Variants in ABCA1 observed in about 807,000 individuals in gnomAD.
ABCA1 encodes phospholipid-transporting ATPase ABCA1.
A neutral mutation model predicts 262.5 loss-of-function variants in ABCA1; 133 were observed. The observed-to-expected ratio is 0.51, with a 90% confidence interval of 0.44 to 0.59. The LOEUF is 0.59. Among genes scored for constraint, ABCA1 ranks in the 20% least tolerant of loss-of-function variants. The pLI, the probability that ABCA1 is intolerant of heterozygous loss-of-function variation, is 0.00. For synonymous variants in ABCA1, 1,022 were observed against 1,043.5 expected (o/e 0.98, Z 0.40); for missense variants, 2,452 against 2,777.5 (o/e 0.88, Z 2.63).
intron 34 of ABCA1, 41 bp downstream of exon 34, chr9:104,802,013 C>T (rs1191958312): frequency 6.3e-7 from 1 of 1,578,602 alleles, no homozygotes; most frequent in Non-Finnish European, 8.7e-7. Flanking sequence ...CCAGCAGCTA[C>T]ATGCCCATTT....
chr9:104,915,552 A>G (rs917886053), intron 1 of ABCA1, among the ~76,000 whole-genome samples: 3 of 152,204 alleles, frequency 2.0e-5, no homozygotes, highest in East Asian at 3.8e-4. Context: ...CATGAACTCT[A>G]TTATATGAGG....
chr9:104,846,748 A>G (rs1030965594), intron 7 of ABCA1, among the ~76,000 whole-genome samples: 2 of 152,234 alleles, frequency 1.3e-5, no homozygotes, highest in African/African-American at 2.4e-5. Context: ...CCAGAGTCCC[A>G]GGACTCCCAC....
chr9:104,812,970 C>G (rs1221843330), intron 27 of ABCA1, among the ~76,000 whole-genome samples: 6 of 152,182 alleles, frequency 3.9e-5, no homozygotes, highest in African/African-American at 1.4e-4. Flanking sequence ...TGTCTTGAGA[C>G]AACTGAAAAG....
At chr9:104,818,443 TAGGAAA>T (rs1831975903) in intron 23 of ABCA1, among the ~76,000 whole-genome samples, 1 of 152,142 alleles carries the variant, frequency 6.6e-6, no homozygotes, top group Admixed American at 6.5e-5. Flanking sequence ...CTGTGCCTCA[TAGGAAA>T]AGGAAAACGG....
intron 36 of ABCA1, 71 bp from the exon 37 acceptor site, chr9:104,798,669 G>A (rs539229742): frequency 3.0e-6 from 4 of 1,354,162 alleles, no homozygotes; most frequent in Non-Finnish European, 4.1e-6. Flanking sequence ...TGAGGACATG[G>A]ACACACAGAC....
intron 1 of ABCA1, among the ~76,000 whole-genome samples, chr9:104,920,951 G>C (rs557592057): frequency 6.6e-6 from 1 of 152,316 alleles, no homozygotes; most frequent in African/African-American, 2.4e-5. Context: ...AGAGTGATCA[G>C]CAACTTGCCT....
chr9:104,885,258 A>G (rs938781351), intron 3 of ABCA1, among the ~76,000 whole-genome samples: 18 of 152,182 alleles, frequency 1.2e-4, no homozygotes, highest in African/African-American at 4.3e-4. Context: ...AATAAATAAA[A>G]TAAGATAAAG....
intron 7 of ABCA1, among the ~76,000 whole-genome samples, chr9:104,849,515 C>T (rs928360533): frequency 5.3e-5 from 8 of 152,154 alleles, no homozygotes; most frequent in Non-Finnish European, 1.2e-4. Flanking sequence ...AGATTAAGTG[C>T]TCAGCATTTA....
chr9:104,917,419 T>C (rs1017468906), intron 1 of ABCA1, among the ~76,000 whole-genome samples: 12 of 151,234 alleles, frequency 7.9e-5, no homozygotes, highest in Non-Finnish European at 1.8e-4. Context: ...ATATGGTTCT[T>C]TTCAGCACTT....
At chr9:104,872,151 A>G (rs1008307259) in intron 5 of ABCA1, among the ~76,000 whole-genome samples, 3 of 152,246 alleles carry the variant, frequency 2.0e-5, no homozygotes, top group African/African-American at 7.2e-5. Flanking sequence ...CACTATTAGC[A>G]TTATTTTCCA....
At position 104,853,099 on chromosome 9, in the gene ABCA1, G is replaced by A. The variant is rs959061488; in HGVS notation, c.720+5423C>T. 3.0e-4 allele frequency among the ~76,000 whole-genome samples: 45 copies of A among 152,114 alleles called. 1 individual carries two copies. Among genetic ancestry groups the A allele is most frequent in the African/African-American group, 9.7e-4 (40 of 41,414 alleles). On this transcript the variant is annotated intron_variant, in intron 7 of 49. Coordinates refer to ENST00000374736, the MANE Select transcript of ABCA1 (RefSeq NM_005502.4). ...CATTACTTGTCTTCTGGGAGCCTCG[G>A]GGCACCCTCACTTTCCCTTCTTTCC... is the stretch of plus-strand genomic sequence containing the variant.
intron 1 of ABCA1, among the ~76,000 whole-genome samples, chr9:104,916,956 G>C (rs1841883284): frequency 6.6e-6 from 1 of 152,190 alleles, no homozygotes; most frequent in African/African-American, 2.4e-5. Flanking sequence ...CCAAAGAGCA[G>C]AAGAAACCGT....
At chr9:104,859,035 C>G (rs1836099872) in intron 6 of ABCA1, among the ~76,000 whole-genome samples, 1 of 152,226 alleles carries the variant, frequency 6.6e-6, no homozygotes, top group Admixed American at 6.5e-5. Context: ...GTCTGAATTC[C>G]TGGAACCACT....
intron 47 of ABCA1, 152 bp downstream of exon 47, chr9:104,786,721 G>C: frequency 1.3e-6 from 1 of 772,278 alleles, no homozygotes; most frequent in Non-Finnish European, 2.2e-6. Flanking sequence ...TACTGGGCTT[G>C]CATTTTTGTA....
In ABCA1 at chr9:104,915,052, A is replaced by T. The variant is rs73506133; in HGVS notation, c.-92-11281T>A. ...ACTGGTAAAGAGCCTTGAACTCTAAACCCATAGATAGGCTCAAGTCAGGAA... is the reference window on the plus strand; with the variant it reads ...ACTGGTAAAGAGCCTTGAACTCTAATCCCATAGATAGGCTCAAGTCAGGAA... On this transcript the variant is annotated intron_variant, in intron 1 of 49. Transcript: ENST00000374736. 2.7e-3 allele frequency among the ~76,000 whole-genome samples: 418 copies of T among 152,262 alleles called. 2 individuals are homozygous for T. Among genetic ancestry groups the T allele is most frequent in the African/African-American group, 9.2e-3 (382 of 41,550 alleles).
At chr9:104,838,603 C>T (rs1357041354) in intron 9 of ABCA1, among the ~76,000 whole-genome samples, 3 of 146,672 alleles carry the variant, frequency 2.0e-5, no homozygotes, top group African/African-American at 7.7e-5. Flanking sequence ...GGCAACGGAG[C>T]GAGACTCCCT....
chr9:104,883,149 C>T lies in ABCA1; in HGVS notation c.311G>A (p.Arg104His), dbSNP rs772601794. ...VGNFNKSIVA[R>H]LFSDARRLLL... is the part of the protein sequence containing the mutation. ...AAGCCTCCGAGCATCTGAGAACAGG[C>T]GAGCCACACTGTAAAGGGTGCAAGA... is the stretch of plus-strand genomic sequence containing the variant. The change falls in exon 5 of 50, where the codon CGC (arginine) becomes CAC (histidine). Residue 104 changes from arginine to histidine, a missense_variant. By Grantham distance (29) the Arg-to-His change is conservative (BLOSUM62 0). Around this residue, in one of 4 missense-constraint regions of ABCA1, gnomAD observed 1,032 missense variants for 1,089.7 expected, o/e 0.95. Transcript: ENST00000374736. 9.3e-6 allele frequency: 15 copies of T among 1,610,532 alleles called. 1 individual carries two copies. Among genetic ancestry groups the T allele is most frequent in the South Asian group, 7.7e-5 (7 of 91,004 alleles).
chr9:104,870,907 G>T (rs1198295486), intron 5 of ABCA1, among the ~76,000 whole-genome samples: 1 of 152,044 alleles, frequency 6.6e-6, no homozygotes, highest in African/African-American at 2.4e-5. Context: ...GCCAGGAGAA[G>T]GAAATTCACA....
chr9:104,799,529 C>CTTA, intron 36 of ABCA1: 7 of 981,562 alleles, frequency 7.1e-6, no homozygotes, highest in Non-Finnish European at 8.5e-6. Context: ...TGATTAAACA[C>CTTA]TTATAATTAA....
Sources: allele counts gnomAD v4.1 joint callset (sites outside exome capture counted in the v4.1 genomes callset), GRCh38; gene constraint gnomAD v4.1.1; regional missense constraint gnomAD v4.1.1; transcripts MANE v1.5; gene names NCBI Gene and HGNC (gene_info 2026-07-23, HGNC 2026-07-21).